Variants in ARHGAP6 observed in about 807,000 individuals in gnomAD.
The protein encoded by ARHGAP6 is Rho GTPase activating protein 6, also known as rho GTPase-activating protein 6.
ARHGAP6 carries 16 observed loss-of-function variants against 55.7 expected under a neutral mutation model. The ratio of observed to expected loss-of-function variants is 0.29; its 90% CI spans 0.19 to 0.44. The LOEUF (loss-of-function observed/expected upper bound fraction) is 0.44, where lower values mean the gene tolerates loss of function less well. Ranked by LOEUF, ARHGAP6 falls within the 20% of genes least tolerant of loss-of-function variation. The pLI is 1.00. For missense variants in ARHGAP6, 698 were observed against 808.9 expected (o/e 0.86, Z 1.66); for synonymous variants, 382 against 360.9 (o/e 1.06, Z -0.66).
At chrX:11,513,050 T>A (rs746236322) in intron 1 of ARHGAP6, among the ~76,000 whole-genome samples, 148 of 112,035 alleles carry the variant, frequency 1.3e-3, no homozygotes, top group Non-Finnish European at 2.3e-3. Context: ...TCTATGCATT[T>A]AACAAAATGT....
Position 11,629,138 on chromosome X carries a change from T to C in ARHGAP6, c.588+35103A>G, listed in dbSNP as rs747913949. Among the ~76,000 whole-genome samples the C allele has an allele frequency of 6.3e-5, 7 of 111,877 alleles. No individual in the cohort carries two copies. In the South Asian group the frequency reaches 2.2e-3, roughly 36 times the overall value. On this transcript the variant is annotated intron_variant, in intron 1 of 12. Transcript: ENST00000337414. The stretch of plus-strand genomic sequence containing the variant: ...CTAGGAAAGGAGGGAACCTGCCTAC[T>C]TTCCTCCATCTCCACCACCTTCATC...
At chrX:11,363,037 A>T (rs2147696754) in intron 1 of ARHGAP6, among the ~76,000 whole-genome samples, 1 of 112,346 alleles carries the variant, frequency 8.9e-6, no homozygotes, top group Non-Finnish European at 1.9e-5. Context: ...GCAGAAGAAA[A>T]AAAATAAAAC....
chrX:11,539,065 C>T (rs1277084203), intron 1 of ARHGAP6, among the ~76,000 whole-genome samples: 9 of 110,623 alleles, frequency 8.1e-5, no homozygotes, highest in African/African-American at 2.6e-4. Flanking sequence ...CCATATTGGC[C>T]AGGCTGGTCT....
At chrX:11,545,924 C>T (rs112056470) in intron 1 of ARHGAP6, among the ~76,000 whole-genome samples, 2,196 of 111,311 alleles carry the variant, frequency 0.02, 31 homozygotes, top group Middle Eastern at 0.064. Flanking sequence ...GGAAGGTAAA[C>T]GAGGGTGATG....
chrX:11,584,082 T>C (rs2051697407), intron 1 of ARHGAP6, among the ~76,000 whole-genome samples: 1 of 112,120 alleles, frequency 8.9e-6, no homozygotes, highest in Non-Finnish European at 1.9e-5. Context: ...ATCCAACTTG[T>C]CAATTTAAAG....
At chrX:11,385,407 G>C (rs1378347100) in intron 1 of ARHGAP6, among the ~76,000 whole-genome samples, 2 of 111,751 alleles carry the variant, frequency 1.8e-5, no homozygotes, top group African/African-American at 6.5e-5. Context: ...GCTGCTACCA[G>C]TATTAATACT....
At chrX:11,316,818 C>T (rs1438263149) in intron 1 of ARHGAP6, among the ~76,000 whole-genome samples, 2 of 112,455 alleles carry the variant, frequency 1.8e-5, no homozygotes, top group Non-Finnish European at 3.8e-5. Context: ...TTTGTCTTTG[C>T]TTTCTGTGCC....
At chrX:11,621,041 G>A (rs1342011117) in intron 1 of ARHGAP6, among the ~76,000 whole-genome samples, 1 of 111,963 alleles carries the variant, frequency 8.9e-6, no homozygotes, top group Non-Finnish European at 1.9e-5. Flanking sequence ...TAGGGCAGGA[G>A]CTCCAAACCA....
chrX:11,518,432 C>A (rs187218627), intron 1 of ARHGAP6, among the ~76,000 whole-genome samples: 90 of 106,559 alleles, frequency 8.4e-4, no homozygotes, highest in Non-Finnish European at 1.4e-3. Context: ...GCATGAGCCA[C>A]TGTGCCTGGC....
chrX:11,528,940 G>T (rs2051019183), intron 1 of ARHGAP6, among the ~76,000 whole-genome samples: 1 of 111,772 alleles, frequency 8.9e-6, no homozygotes, highest in South Asian at 3.8e-4. Context: ...AAAGAAAATG[G>T]ATGTCAAATC....
At chrX:11,343,956 G>A (rs1345316537) in intron 1 of ARHGAP6, among the ~76,000 whole-genome samples, 1 of 111,727 alleles carries the variant, frequency 9.0e-6, no homozygotes, top group Non-Finnish European at 1.9e-5. Flanking sequence ...AAGATCACTT[G>A]GTTCCTGATA....
chrX:11,185,735 A>G (rs1416745055), intron 5 of ARHGAP6, among the ~76,000 whole-genome samples: 1 of 112,220 alleles, frequency 8.9e-6, no homozygotes, highest in African/African-American at 3.2e-5. Context: ...TTTTAAGTGG[A>G]CAGCTTCCAC....
chrX:11,285,943 G>A (rs1210704739), intron 1 of ARHGAP6, among the ~76,000 whole-genome samples: 1 of 112,002 alleles, frequency 8.9e-6, no homozygotes, highest in South Asian at 3.7e-4. Context: ...CGTTAGCTAC[G>A]GTATAAATCA....
intron 1 of ARHGAP6, among the ~76,000 whole-genome samples, chrX:11,307,228 A>C (rs945849075): frequency 9.0e-6 from 1 of 111,039 alleles, no homozygotes; most frequent in Admixed American, 9.6e-5. Flanking sequence ...CTCAACGCAT[A>C]CAGAAAGCCC....
Position 11,567,566 on chromosome X carries a change from A to AAAAAAAAAAAAATATATATAT in ARHGAP6, c.588+96674_588+96675insATATATATATTTTTTTTTTTT, listed in dbSNP as rs1440758737. Among the ~76,000 whole-genome samples, 386 of 84,248 alleles carry AAAAAAAAAAAAATATATATAT rather than the reference A, an allele frequency of 4.6e-3. 13 individuals carry two copies. Among genetic ancestry groups the AAAAAAAAAAAAATATATATAT allele is most frequent in the Non-Finnish European group, 6.6e-3 (282 of 42,617 alleles). The allele number at this position is 84,248 out of a possible 115,157, so 73.2% of individuals were successfully genotyped here. On this transcript the variant is annotated intron_variant, in intron 1 of 12. Transcript: ENST00000337414. Reference sequence around the variant, plus strand: ...GAGACTCCATCTCAAAAAAAAAAAAAATATATATATATATTTGCCTCAGAG... The same window carrying AAAAAAAAAAAAATATATATAT: ...GAGACTCCATCTCAAAAAAAAAAAAAAAAAAAAAAAAATATATATATATATATATATATATTTGCCTCAGAG...
At chrX:11,476,460 C>A (rs1289737437) in intron 1 of ARHGAP6, among the ~76,000 whole-genome samples, 1 of 111,619 alleles carries the variant, frequency 9.0e-6, no homozygotes, top group Non-Finnish European at 1.9e-5. Context: ...TCAGTTCTTG[C>A]AGACATTATA....
intron 1 of ARHGAP6, among the ~76,000 whole-genome samples, chrX:11,506,723 A>C (rs937902321): frequency 3.6e-5 from 4 of 111,737 alleles, no homozygotes; most frequent in Non-Finnish European, 1.9e-5. Context: ...TCTTTATAGC[A>C]GCATGATTTA....
At chrX:11,196,902 A>G in intron 3 of ARHGAP6, 23 bp downstream of exon 3, 1 of 885,298 alleles carries the variant, frequency 1.1e-6, no homozygotes, top group Non-Finnish European at 1.7e-6. Flanking sequence ...AGATGCATTT[A>G]CATTGGGTAC....
intron 1 of ARHGAP6, among the ~76,000 whole-genome samples, chrX:11,532,716 G>A (rs1407946372): frequency 8.9e-6 from 1 of 112,458 alleles, no homozygotes; most frequent in Non-Finnish European, 1.9e-5. Context: ...ACTTTTATTG[G>A]AATACAGCCA....
Sources: allele counts gnomAD v4.1 joint callset (sites outside exome capture counted in the v4.1 genomes callset), GRCh38; gene constraint gnomAD v4.1.1; transcripts MANE v1.5; gene names NCBI Gene and HGNC (gene_info 2026-07-23, HGNC 2026-07-21).